Variants in RSRC1 observed in about 807,000 individuals in gnomAD.
The protein encoded by RSRC1 is arginine and serine rich coiled-coil 1, also known as serine/Arginine-related protein 53.
Under a neutral mutation model 49.1 loss-of-function variants are expected in RSRC1, and 39 were observed. That is an observed-to-expected ratio of 0.79 (90% CI 0.61 to 1.04). The LOEUF (loss-of-function observed/expected upper bound fraction) is 1.04. Among genes scored for constraint, RSRC1 ranks in the 50% least tolerant of loss-of-function variants. The pLI, the probability that RSRC1 is intolerant of heterozygous loss-of-function variation, is 0.00. For synonymous variants in RSRC1, 143 were observed against 130.8 expected (o/e 1.09, Z -0.63); for missense variants, 388 against 402.4 (o/e 0.96, Z 0.31).
intron 7 of RSRC1, among the ~76,000 whole-genome samples, chr3:158,530,623 A>T (rs1322898510): frequency 6.6e-6 from 1 of 151,702 alleles, no homozygotes; most frequent in African/African-American, 2.4e-5. Flanking sequence ...GAGGGAGGGA[A>T]GATGTGGGGG....
At chr3:158,363,263 T>C (rs1731575296) in intron 6 of RSRC1, among the ~76,000 whole-genome samples, 1 of 133,212 alleles carries the variant, frequency 7.5e-6, no homozygotes, top group Admixed American at 7.2e-5. Context: ...CAGCTACTTT[T>C]TTTTTCTTTT....
At chr3:158,122,324 T>C (rs761807568) in intron 2 of RSRC1, 26 bp downstream of exon 2, 1 of 1,428,564 alleles carries the variant, frequency 7.0e-7, no homozygotes, top group Non-Finnish European at 9.5e-7. Flanking sequence ...TTTATTTATA[T>C]AGTAATGAGG....
Position 158,400,653 on chromosome 3 carries a change from A to G in RSRC1, c.583+45745A>G, listed in dbSNP as rs538577566. Among the ~76,000 whole-genome samples the G allele has an allele frequency of 2.6e-5, 4 of 152,244 alleles. No homozygotes were observed. In the East Asian group the frequency reaches 7.7e-4, roughly 29 times the overall value. On this transcript the variant is annotated intron_variant, in intron 6 of 9. Coordinates refer to ENST00000611884, the MANE Select transcript of RSRC1 (RefSeq NM_001271838.2). Reference sequence around the variant, plus strand: ...TTTTAATAAAAAAGGTTAACACATAAAGAAAAAAGAAATTTTTAAATAGGA... The same window carrying G: ...TTTTAATAAAAAAGGTTAACACATAGAGAAAAAAGAAATTTTTAAATAGGA...
chr3:158,128,700 C>G (rs1359371318), intron 3 of RSRC1, among the ~76,000 whole-genome samples: 1 of 152,108 alleles, frequency 6.6e-6, no homozygotes, highest in Admixed American at 6.5e-5. Context: ...CGTTCTTTTT[C>G]TGCTCCAGGA....
In RSRC1 at chr3:158,354,848, C is replaced by G. The variant is rs201732321; in HGVS notation, c.532-9C>G. ...TGTATGGTTGAATTTTTTTTTTTTTCTTTTTTAGCCACCAGCTGAACAGGC... is the reference window on the plus strand; with the variant it reads ...TGTATGGTTGAATTTTTTTTTTTTTGTTTTTTAGCCACCAGCTGAACAGGC... On this transcript the variant is annotated splice_polypyrimidine_tract_variant and intron_variant, in intron 5 of 9. Transcript: ENST00000611884. 2 of 1,454,574 alleles carry G rather than the reference C, an allele frequency of 1.4e-6. No homozygotes were observed. The highest frequency in any genetic ancestry group is 1.8e-6 in the Non-Finnish European group (2 of 1,103,980). The allele number at this position is 1,454,574 out of a possible 1,614,324, so 90.1% of individuals were successfully genotyped here. A position where few individuals can be genotyped will look rare whatever the true frequency, so the allele number is the denominator to read the frequency against.
intron 4 of RSRC1, among the ~76,000 whole-genome samples, chr3:158,292,062 C>T (rs1294686883): frequency 1.3e-5 from 2 of 152,198 alleles, no homozygotes; most frequent in Non-Finnish European, 2.9e-5. Flanking sequence ...AAGATTAAAA[C>T]TATCAGGTGC....
At chr3:158,214,096 A>G (rs1048106620) in intron 4 of RSRC1, among the ~76,000 whole-genome samples, 2 of 151,906 alleles carry the variant, frequency 1.3e-5, no homozygotes, top group African/African-American at 4.8e-5. Context: ...TTTACATTAT[A>G]TTAGGTATAA....
chr3:158,519,616 G>C (rs993313189), intron 7 of RSRC1, among the ~76,000 whole-genome samples: 1 of 152,098 alleles, frequency 6.6e-6, no homozygotes, highest in African/African-American at 2.4e-5. Context: ...AAAGAGTTTA[G>C]CAGGAGCCAG....
chr3:158,220,993 A>G (rs1030426023), intron 4 of RSRC1, among the ~76,000 whole-genome samples: 1 of 151,628 alleles, frequency 6.6e-6, no homozygotes, highest in African/African-American at 2.4e-5. Context: ...TAAAAGCCAT[A>G]TTTCACAGGT....
At position 158,398,005 on chromosome 3, in the gene RSRC1, C is replaced by T. The variant is rs148904094; in HGVS notation, c.583+43097C>T. ...TGAGGTTGGGATGGGATGCGTACTG[C>T]GACTGGGTGACCCTTGGGAATGGGG... On this transcript the variant is annotated intron_variant, in intron 6 of 9. Transcript: ENST00000611884. Among the ~76,000 whole-genome samples, 127 of 152,008 alleles carry T rather than the reference C, an allele frequency of 8.4e-4. No homozygotes were observed. The East Asian group carries it at 0.02, about 24-fold the overall frequency.
chr3:158,374,150 C>G (rs1446501360), intron 6 of RSRC1, among the ~76,000 whole-genome samples: 4 of 152,024 alleles, frequency 2.6e-5, no homozygotes, highest in South Asian at 2.1e-4. Flanking sequence ...TTACAATACT[C>G]TAACGGATTG....
chr3:158,396,665 C>T (rs1392030588), intron 6 of RSRC1, among the ~76,000 whole-genome samples: 7 of 151,954 alleles, frequency 4.6e-5, no homozygotes, highest in South Asian at 2.1e-4. Flanking sequence ...ACTGTAGTGC[C>T]GTGGTATGAG....
At chr3:158,518,645 G>T (rs985936425) in intron 7 of RSRC1, among the ~76,000 whole-genome samples, 2 of 151,768 alleles carry the variant, frequency 1.3e-5, no homozygotes, top group Non-Finnish European at 2.9e-5. Flanking sequence ...TTTACTTAAC[G>T]TCATTCCATT....
chr3:158,298,150 C>T, intron 5 of RSRC1, 75 bp downstream of exon 5: 16 of 1,067,406 alleles, frequency 1.5e-5, no homozygotes, highest in Non-Finnish European at 2.2e-5. Flanking sequence ...TTTGAATGAG[C>T]TTTGAATACT....
At chr3:158,432,201 C>G (rs537362303) in intron 6 of RSRC1, among the ~76,000 whole-genome samples, 3 of 152,026 alleles carry the variant, frequency 2.0e-5, no homozygotes, top group East Asian at 3.9e-4. Context: ...CCTCCAAAGG[C>G]AGATTTATGA....
intron 7 of RSRC1, among the ~76,000 whole-genome samples, chr3:158,478,759 T>C (rs967057314): frequency 6.6e-6 from 1 of 152,048 alleles, no homozygotes; most frequent in African/African-American, 2.4e-5. Context: ...GAAATGATTG[T>C]GAATCAGAAG....
At chr3:158,175,531 G>T (rs964082006) in intron 3 of RSRC1, among the ~76,000 whole-genome samples, 28 of 151,908 alleles carry the variant, frequency 1.8e-4, no homozygotes, top group Non-Finnish European at 4.1e-4. Context: ...TTATTGAAAA[G>T]ACCTTCCTTT....
chr3:158,366,500 G>C (rs575238059), intron 6 of RSRC1, among the ~76,000 whole-genome samples: 1 of 152,086 alleles, frequency 6.6e-6, no homozygotes, highest in Non-Finnish European at 1.5e-5. Context: ...TGTTCCATTG[G>C]TTTATATATC....
chr3:158,233,542 T>A (rs985751301), intron 4 of RSRC1, among the ~76,000 whole-genome samples: 2 of 152,152 alleles, frequency 1.3e-5, no homozygotes, highest in African/African-American at 4.8e-5. Flanking sequence ...TGTTTTGTAT[T>A]TAGAGTGTTT....
Sources: allele counts gnomAD v4.1 joint callset (sites outside exome capture counted in the v4.1 genomes callset), GRCh38; gene constraint gnomAD v4.1.1; transcripts MANE v1.5; gene names NCBI Gene and HGNC (gene_info 2026-07-23, HGNC 2026-07-21).